CMTM4: variants seen among roughly 807,000 people sequenced by gnomAD.
CMTM4 encodes CKLF like MARVEL transmembrane domain containing 4.
CMTM4 carries 8 observed loss-of-function variants against 19.0 expected under a neutral mutation model. That is an observed-to-expected ratio of 0.42 (90% CI 0.25 to 0.76). The LOEUF (loss-of-function observed/expected upper bound fraction) is 0.76, where lower values mean the gene tolerates loss of function less well. Ranked by LOEUF, CMTM4 falls within the 30% of genes least tolerant of loss-of-function variation. The pLI is 0.27. For synonymous variants in CMTM4, 106 were observed against 121.1 expected, an observed-to-expected ratio of 0.88 and a Z score of 0.82; for missense variants, 228 against 290.2, an observed-to-expected ratio of 0.79 and a Z score of 1.56.
intron 2 of CMTM4, among the ~76,000 whole-genome samples, chr16:66,635,597 G>A (rs899774747): frequency 6.6e-6 from 1 of 152,246 alleles, no homozygotes; most frequent in African/African-American, 2.4e-5. Context: ...GGTCTGAGGC[G>A]CTCTCCTCCT....
At chr16:66,692,637 G>C (rs905307793) in intron 1 of CMTM4, among the ~76,000 whole-genome samples, 2 of 152,160 alleles carry the variant, frequency 1.3e-5, no homozygotes. Context: ...CCAACGCAGG[G>C]GCTCACGCCT....
At chr16:66,634,388 C>A (rs891354732) in intron 2 of CMTM4, among the ~76,000 whole-genome samples, 1 of 151,378 alleles carries the variant, frequency 6.6e-6, no homozygotes, top group East Asian at 1.9e-4. Context: ...TTCATTGAGC[C>A]GAGATCACGC....
At chr16:66,688,757 T>C (rs1202710283) in intron 1 of CMTM4, among the ~76,000 whole-genome samples, 1 of 152,210 alleles carries the variant, frequency 6.6e-6, no homozygotes, top group Non-Finnish European at 1.5e-5. Flanking sequence ...TATATTGAGT[T>C]TTCCAATCCT....
chr16:66,671,774 G>A (rs942822824), intron 1 of CMTM4, among the ~76,000 whole-genome samples: 2 of 152,234 alleles, frequency 1.3e-5, no homozygotes, highest in South Asian at 2.1e-4. Context: ...GCAACATGAT[G>A]AGAGGACAGA....
At chr16:66,604,532 G>T in the CMTM4 span, 1 of 279,802 alleles carries the variant, frequency 3.6e-6, no homozygotes, top group Non-Finnish European at 6.6e-6. Context: ...GTCTCCAGCG[G>T]CCCGAACCAG....
At chr16:66,677,559 A>C (rs1343969676) in intron 1 of CMTM4, among the ~76,000 whole-genome samples, 1 of 152,164 alleles carries the variant, frequency 6.6e-6, no homozygotes, top group Non-Finnish European at 1.5e-5. Context: ...ACACTCATCA[A>C]ATGTTTCCCA....
intron 1 of CMTM4, among the ~76,000 whole-genome samples, chr16:66,687,828 C>T (rs1250959263): frequency 2.6e-5 from 4 of 151,918 alleles, no homozygotes; most frequent in Non-Finnish European, 5.9e-5. Flanking sequence ...GCTGGGACTA[C>T]AGGCGCCTGC....
At chr16:66,641,001 C>A (rs776353042) in intron 1 of CMTM4, among the ~76,000 whole-genome samples, 46 of 152,316 alleles carry the variant, frequency 3.0e-4, no homozygotes, top group Middle Eastern at 3.4e-3. Flanking sequence ...AAGCCACCCC[C>A]CAAATTCCTG....
intron 1 of CMTM4, among the ~76,000 whole-genome samples, chr16:66,659,900 TAAA>T (rs1336822750): frequency 6.6e-6 from 1 of 152,134 alleles, no homozygotes; most frequent in African/African-American, 2.4e-5. Flanking sequence ...GTTTCCATAA[TAAA>T]AATTTAAATT....
chr16:66,598,344 T>G, the CMTM4 span, among the ~76,000 whole-genome samples: 1 of 152,082 alleles, frequency 6.6e-6, no homozygotes, highest in African/African-American at 2.4e-5. Flanking sequence ...AGTGTGCAGT[T>G]AACTTATATA....
Position 66,621,360 on chromosome 16 carries a change from G to T in CMTM4, c.*698C>A, listed in dbSNP as rs2015631176. 1.0e-6 allele frequency: 1 copy of T among 985,688 alleles called. No individual in the cohort carries two copies. The highest frequency in any genetic ancestry group is 4.7e-5 in the South Asian group (1 of 21,292). 61.1% of individuals were successfully genotyped at this position (985,688 alleles called of 1,614,324 possible). A position where few individuals can be genotyped will look rare whatever the true frequency, so the allele number is the denominator to read the frequency against. On this transcript the variant is annotated 3_prime_UTR_variant, in exon 4 of 4. Transcript: ENST00000394106. ...GGGTAGGCAGGAAACTGGAAAACAA[G>T]ATAGTCCCCATAACAAGATGGCCCC...
At chr16:66,669,886 C>T (rs1013899394) in intron 1 of CMTM4, among the ~76,000 whole-genome samples, 10 of 151,996 alleles carry the variant, frequency 6.6e-5, no homozygotes, top group African/African-American at 2.2e-4. Context: ...AAATGGTGCA[C>T]ACTCCTTTAT....
intron 1 of CMTM4, among the ~76,000 whole-genome samples, chr16:66,679,485 G>A (rs962017841): frequency 4.6e-5 from 7 of 152,150 alleles, no homozygotes; most frequent in African/African-American, 9.7e-5. Context: ...CCCAGGAGCA[G>A]AGCCAGCAGA....
intron 1 of CMTM4, among the ~76,000 whole-genome samples, chr16:66,658,267 G>A: frequency 6.9e-6 from 1 of 145,478 alleles, no homozygotes; most frequent in African/African-American, 2.5e-5. Context: ...GAAGGAGGGA[G>A]GCAGGCAGGG....
intron 1 of CMTM4, among the ~76,000 whole-genome samples, chr16:66,683,151 ATATATATACG>A (rs1207051810): frequency 3.4e-4 from 45 of 131,706 alleles, no homozygotes; most frequent in African/African-American, 1.2e-3. Context: ...ATATATGTAT[ATATATATACG>A]TATATATATA....
Position 66,633,104 on chromosome 16 carries a change from TATATATATATATAAATATATATATATAA to T in CMTM4, c.363+3273_363+3300del, listed in dbSNP as rs957560916. 2.4e-3 allele frequency among the ~76,000 whole-genome samples: 59 copies of T among 24,824 alleles called. No homozygotes were observed. The East Asian group carries it at 0.15, about 64-fold the overall frequency. 16.3% of individuals were successfully genotyped at this position (24,824 alleles called of 152,430 possible). A position where few individuals can be genotyped will look rare whatever the true frequency, so the allele number is the denominator to read the frequency against. On this transcript the variant is annotated intron_variant, in intron 2 of 3. Coordinates refer to ENST00000394106, the MANE Select transcript of CMTM4 (RefSeq NM_181521.3). ...CCGTTTCAAAATATATATATATAAA[TATATATATATATAAATATATATATATAA>T]ATATATATATATATCAAAGTCCCAC...
intron 1 of CMTM4, among the ~76,000 whole-genome samples, chr16:66,684,576 C>CCA (rs2016999648): frequency 6.6e-6 from 1 of 152,096 alleles, no homozygotes; most frequent in African/African-American, 2.4e-5. Context: ...CGAGAAAAGG[C>CCA]CACACACGAG....
the CMTM4 span, among the ~76,000 whole-genome samples, chr16:66,602,593 C>T: frequency 1.3e-5 from 2 of 151,992 alleles, no homozygotes; most frequent in African/African-American, 4.8e-5. Context: ...TGGAGTGCAG[C>T]TGGAGTGCAG....
At chr16:66,635,026 CTAGGCAAG>C (rs973565310) in intron 2 of CMTM4, among the ~76,000 whole-genome samples, 2 of 152,202 alleles carry the variant, frequency 1.3e-5, no homozygotes, top group African/African-American at 4.8e-5. Context: ...CTCAGGAACA[CTAGGCAAG>C]TAGGATAGCA....
Sources: allele counts gnomAD v4.1 joint callset (sites outside exome capture counted in the v4.1 genomes callset), GRCh38; gene constraint gnomAD v4.1.1; transcripts MANE v1.5; gene names NCBI Gene and HGNC (gene_info 2026-07-23, HGNC 2026-07-21).